Variants in SAMD3 observed in about 807,000 individuals in gnomAD.
The protein encoded by SAMD3 is sterile alpha motif domain-containing protein 3.
In SAMD3, 63 loss-of-function variants were observed where a neutral mutation model predicts 58.5. The ratio of observed to expected loss-of-function variants is 1.08; its 90% CI spans 0.88 to 1.33. The LOEUF is 1.33. Ranked by LOEUF, SAMD3 falls within the 40% of genes most tolerant of loss-of-function variation. The probability of loss-of-function intolerance (pLI) is 0.00; values close to 1 mark genes in which losing one functional copy is unlikely to be tolerated. For missense variants in SAMD3, 604 were observed against 608.4 expected (o/e 0.99, Z 0.08); for synonymous variants, 220 against 210.3 (o/e 1.05, Z -0.40).
intron 5 of SAMD3, among the ~76,000 whole-genome samples, chr6:130,200,551 G>C (rs7768708): frequency 0.77 from 103,579 of 133,992 alleles, 40,053 homozygotes; most frequent in African/African-American, 0.86. Flanking sequence ...TCTGTCCCCC[G>C]ACCCACAAAA....
intron 5 of SAMD3, among the ~76,000 whole-genome samples, chr6:130,205,578 A>T (rs956826515): frequency 1.3e-5 from 2 of 151,878 alleles, no homozygotes; most frequent in Non-Finnish European, 2.9e-5. Flanking sequence ...TGCTGGGATT[A>T]CAGGCATGAG....
At chr6:130,268,576 C>A (rs79653653) in intron 2 of SAMD3, among the ~76,000 whole-genome samples, 3,156 of 152,200 alleles carry the variant, frequency 0.021, 113 homozygotes, top group African/African-American at 0.071. Flanking sequence ...TATATAGATG[C>A]ACCACTTTTT....
intron 5 of SAMD3, among the ~76,000 whole-genome samples, chr6:130,206,195 G>A (rs1036012564): frequency 4.6e-5 from 7 of 152,192 alleles, no homozygotes; most frequent in Admixed American, 4.6e-4. Context: ...GATTCACGCT[G>A]GGCCCATGAA....
At chr6:130,150,330 C>T (rs546263957) in intron 9 of SAMD3, among the ~76,000 whole-genome samples, 1 of 152,272 alleles carries the variant, frequency 6.6e-6, no homozygotes, top group African/African-American at 2.4e-5. Flanking sequence ...GCTGTATAAG[C>T]TCTGAATCAG....
intron 2 of SAMD3, among the ~76,000 whole-genome samples, chr6:130,254,592 G>T (rs1181991024): frequency 1.3e-5 from 2 of 152,114 alleles, no homozygotes; most frequent in East Asian, 3.9e-4. Context: ...GCCTCCCCAA[G>T]TGCTGGGATT....
intron 5 of SAMD3, among the ~76,000 whole-genome samples, chr6:130,196,625 A>G (rs558807159): frequency 1.2e-3 from 176 of 152,290 alleles, no homozygotes; most frequent in Non-Finnish European, 2.1e-3. Context: ...GTGGAAATCT[A>G]TCCTCAAGGA....
intron 2 of SAMD3, among the ~76,000 whole-genome samples, chr6:130,266,829 T>C (rs1176073850): frequency 6.6e-6 from 1 of 152,202 alleles, no homozygotes; most frequent in Non-Finnish European, 1.5e-5. Flanking sequence ...AGCATAGCCA[T>C]AGGTGATTGG....
At chr6:130,148,024 C>T (rs1054001702) in intron 9 of SAMD3, among the ~76,000 whole-genome samples, 32 of 152,246 alleles carry the variant, frequency 2.1e-4, no homozygotes, top group African/African-American at 7.2e-4. Context: ...GGTTTTTCCA[C>T]GTAAAATTAA....
At chr6:130,206,928 A>G (rs1795133810) in intron 5 of SAMD3, among the ~76,000 whole-genome samples, 1 of 152,176 alleles carries the variant, frequency 6.6e-6, no homozygotes, top group Admixed American at 6.5e-5. Flanking sequence ...ACAAAATGTC[A>G]GAGGGCTTAG....
At chr6:130,195,560 A>G (rs1259879242) in intron 5 of SAMD3, among the ~76,000 whole-genome samples, 1 of 152,042 alleles carries the variant, frequency 6.6e-6, no homozygotes, top group Non-Finnish European at 1.5e-5. Context: ...ACCTCCCTCT[A>G]CAACCCATTA....
At chr6:130,153,279 T>C (rs928156779) in intron 9 of SAMD3, among the ~76,000 whole-genome samples, 1 of 152,156 alleles carries the variant, frequency 6.6e-6, no homozygotes, top group Non-Finnish European at 1.5e-5. Context: ...ACCTGAAGAT[T>C]AAGGGGAAAC....
chr6:130,203,506 T>C, intron 5 of SAMD3, among the ~76,000 whole-genome samples: 1 of 152,250 alleles, frequency 6.6e-6, no homozygotes, highest in South Asian at 2.1e-4. Flanking sequence ...ATCTGCTTTT[T>C]AGCTCTATGA....
At chr6:130,348,163 C>T (rs895338960) in intron 1 of SAMD3, among the ~76,000 whole-genome samples, 1 of 152,172 alleles carries the variant, frequency 6.6e-6, no homozygotes, top group South Asian at 2.1e-4. Flanking sequence ...GAAGAAACTG[C>T]AGCAACCAAT....
At chr6:130,161,991 A>G in intron 8 of SAMD3, 1 of 339,032 alleles carries the variant, frequency 2.9e-6, no homozygotes. Flanking sequence ...GACATGAAGC[A>G]CGAAAGAGAT....
intron 1 of SAMD3, among the ~76,000 whole-genome samples, chr6:130,318,155 C>T (rs1776449469): frequency 6.6e-6 from 1 of 152,144 alleles, no homozygotes; most frequent in Non-Finnish European, 1.5e-5. Flanking sequence ...CTTCTTCCCA[C>T]CAGCCAGAAT....
intron 2 of SAMD3, among the ~76,000 whole-genome samples, chr6:130,312,017 C>G (rs6923783): frequency 0.32 from 48,591 of 151,950 alleles, 10,161 homozygotes; most frequent in African/African-American, 0.6. Context: ...GGGCTGAAAC[C>G]ACAGATAGCA....
At position 130,246,425 on chromosome 6, in the gene SAMD3, A is replaced by G. The variant is rs192592717; in HGVS notation, c.-187-23612T>C. Among the ~76,000 whole-genome samples, 3 of 152,348 alleles carry G rather than the reference A, an allele frequency of 2.0e-5. No homozygotes were observed. The East Asian group carries it at 5.8e-4, about 29-fold the overall frequency. ...CTTAAAATCACATTAACTTGACTAT[A>G]CATGACTAGTGGGTACACCCTAAAG... On this transcript the variant is annotated intron_variant, in intron 2 of 13. Transcript: ENST00000368134.
chr6:130,359,355 T>C (rs545600828), intron 1 of SAMD3, among the ~76,000 whole-genome samples: 1 of 152,338 alleles, frequency 6.6e-6, no homozygotes, highest in East Asian at 1.9e-4. Flanking sequence ...CTATTTCTCC[T>C]ATGCCTTCCC....
intron 1 of SAMD3, among the ~76,000 whole-genome samples, chr6:130,346,728 C>T (rs1777465602): frequency 6.6e-6 from 1 of 152,194 alleles, no homozygotes; most frequent in Admixed American, 6.5e-5. Context: ...TTTGAAGAGA[C>T]TAGTGGTTCT....
Sources: allele counts gnomAD v4.1 joint callset (sites outside exome capture counted in the v4.1 genomes callset), GRCh38; gene constraint gnomAD v4.1.1; transcripts MANE v1.5; gene names NCBI Gene and HGNC (gene_info 2026-07-23, HGNC 2026-07-21).